KAZN: variants seen among roughly 807,000 people sequenced by gnomAD.
KAZN encodes the protein kazrin, periplakin interacting protein, also known as kazrin.
In KAZN, 40 loss-of-function variants were observed where a neutral mutation model predicts 87.4. The observed-to-expected ratio is 0.46, with a 90% CI of 0.36 to 0.60. The LOEUF is 0.60. KAZN is among the 20% of genes least tolerant of loss of function. The pLI is 0.00. For synonymous variants in KAZN, 466 were observed against 458.3 expected (o/e 1.02, Z -0.22); for missense variants, 898 against 1,073.9 (o/e 0.84, Z 2.29).
chr1:14,829,700 T>G (rs1232587097), intron 1 of KAZN, among the ~76,000 whole-genome samples: 2 of 152,132 alleles, frequency 1.3e-5, no homozygotes, highest in Non-Finnish European at 2.9e-5. Context: ...GCAGACAGAA[T>G]GATGTGTGTG....
chr1:14,649,663 A>G (rs931507176), intron 1 of KAZN, among the ~76,000 whole-genome samples: 1 of 152,178 alleles, frequency 6.6e-6, no homozygotes, highest in Non-Finnish European at 1.5e-5. Context: ...GGCGACCAAC[A>G]AAGCCTGTCA....
At chr1:14,491,154 A>C (rs1179566601) in intron 2 of KAZN, among the ~76,000 whole-genome samples, 2 of 152,132 alleles carry the variant, frequency 1.3e-5, no homozygotes, top group African/African-American at 2.4e-5. Context: ...TGGGTTTGCT[A>C]TTGCAATTAA....
At chr1:14,975,175 G>A (rs1171524921) in intron 2 of KAZN, among the ~76,000 whole-genome samples, 1 of 152,240 alleles carries the variant, frequency 6.6e-6, no homozygotes, top group Non-Finnish European at 1.5e-5. Flanking sequence ...GTGAGGGAAA[G>A]AGCAGAGAGT....
At chr1:13,906,255 T>C (rs2100852957) in intron 1 of KAZN, among the ~76,000 whole-genome samples, 1 of 152,342 alleles carries the variant, frequency 6.6e-6, no homozygotes, top group East Asian at 1.9e-4. Context: ...TTTGTATTTC[T>C]AAGGATGCCT....
intron 1 of KAZN, among the ~76,000 whole-genome samples, chr1:14,049,190 T>A (rs980028164): frequency 9.9e-5 from 15 of 152,040 alleles, no homozygotes; most frequent in Non-Finnish European, 2.9e-5. Flanking sequence ...CTGGAAACCA[T>A]CATTCTCAGC....
intron 2 of KAZN, among the ~76,000 whole-genome samples, chr1:14,541,561 A>G (rs904597506): frequency 1.5e-4 from 23 of 152,122 alleles, no homozygotes; most frequent in African/African-American, 5.6e-4. Context: ...AAATTGCTCA[A>G]CCCTTCGTGC....
In KAZN at chr1:14,488,351, G is replaced by A. The variant is rs150110114; in HGVS notation, c.250-110632G>A. Among the ~76,000 whole-genome samples the A allele has an allele frequency of 2.5e-3, 382 of 152,264 alleles. 1 individual carries two copies. Among genetic ancestry groups the A allele is most frequent in the African/African-American group, 8.5e-3 (353 of 41,550 alleles). On this transcript the variant is annotated intron_variant, in intron 2 of 16. Coordinates refer to the KAZN transcript ENST00000636203. ...AAGAGAACGGTGACCTCTCATCGTC[G>A]CTAAGGTCTGAACAATTCCACTCTG...
At position 14,518,582 on chromosome 1, in the gene KAZN, G is replaced by A. The variant is rs181736895; in HGVS notation, c.250-80401G>A. Among the ~76,000 whole-genome samples the A allele has an allele frequency of 1.4e-4, 21 of 152,258 alleles. 1 individual carries two copies. The South Asian group carries it at 1.7e-3, about 12-fold the overall frequency. On this transcript the variant is annotated intron_variant, in intron 2 of 16. Coordinates refer to the KAZN transcript ENST00000636203. Reference sequence around the variant, plus strand: ...AAGGAAGAGATGATCTGCTCTCGTCGCTTCATCTACAATATTTGGGCTGAT... The same window carrying A: ...AAGGAAGAGATGATCTGCTCTCGTCACTTCATCTACAATATTTGGGCTGAT...
At position 14,282,839 on chromosome 1, in the gene KAZN, G is replaced by C. The variant is rs531116937; in HGVS notation, c.249+102247G>C. 5.9e-5 allele frequency among the ~76,000 whole-genome samples: 9 copies of C among 152,310 alleles called. No individual in the cohort carries two copies. The South Asian group carries it at 1.9e-3, about 32-fold the overall frequency. On this transcript the variant is annotated intron_variant, in intron 2 of 16. Coordinates refer to the KAZN transcript ENST00000636203. Reference sequence around the variant, plus strand: ...GGGATGCCGAGCGCCCTTTAGGGAAGAATTCAGCCAGGAAGATAATAGATG... The same window carrying C: ...GGGATGCCGAGCGCCCTTTAGGGAACAATTCAGCCAGGAAGATAATAGATG...
At chr1:15,103,789 T>C (rs1010944686) in intron 12 of KAZN, among the ~76,000 whole-genome samples, 23 of 152,132 alleles carry the variant, frequency 1.5e-4, no homozygotes, top group African/African-American at 5.3e-4. Flanking sequence ...TTGAGATTCA[T>C]TTAACAAATA....
At chr1:14,215,460 T>G (rs1287800551) in intron 2 of KAZN, among the ~76,000 whole-genome samples, 2 of 152,206 alleles carry the variant, frequency 1.3e-5, no homozygotes, top group Non-Finnish European at 2.9e-5. Flanking sequence ...ATATTCCCAT[T>G]TATCCTAACA....
At chr1:14,230,422 T>C (rs1571081820) in intron 2 of KAZN, among the ~76,000 whole-genome samples, 1 of 152,192 alleles carries the variant, frequency 6.6e-6, no homozygotes, top group African/African-American at 2.4e-5. Context: ...CCTTATGAGG[T>C]AAGCATTATC....
Position 14,569,759 on chromosome 1 carries a change from C to T in KAZN, c.250-29224C>T, listed in dbSNP as rs1181317588. On this transcript the variant is annotated intron_variant, in intron 2 of 16. Transcript: ENST00000636203. ...AGGAGGGCATCCTTAGCTCTGGCAACTGCAGCCAGAGGGGTGGGACCAGTT... is the reference window on the plus strand; with the variant it reads ...AGGAGGGCATCCTTAGCTCTGGCAATTGCAGCCAGAGGGGTGGGACCAGTT... Among the ~76,000 whole-genome samples, 10 of 152,304 alleles carry T rather than the reference C, an allele frequency of 6.6e-5. No homozygotes were observed. The East Asian group carries it at 1.7e-3, about 26-fold the overall frequency.
At chr1:14,972,758 G>A (rs1011603374) in intron 2 of KAZN, among the ~76,000 whole-genome samples, 142 of 152,054 alleles carry the variant, frequency 9.3e-4, no homozygotes, top group African/African-American at 3.1e-3. Flanking sequence ...CAAGTGATTC[G>A]CCCACTGTGG....
chr1:14,344,601 T>C (rs1657976182), intron 2 of KAZN, among the ~76,000 whole-genome samples: 1 of 152,084 alleles, frequency 6.6e-6, no homozygotes, highest in Non-Finnish European at 1.5e-5. Flanking sequence ...TTAAAATATA[T>C]AGCATGTCAG....
At chr1:14,373,643 T>C (rs1289442385) in intron 2 of KAZN, among the ~76,000 whole-genome samples, 1 of 152,180 alleles carries the variant, frequency 6.6e-6, no homozygotes, top group African/African-American at 2.4e-5. Context: ...AGTTGACACA[T>C]AAAATTAACA....
At chr1:14,501,427 A>T (rs1256532980) in intron 2 of KAZN, among the ~76,000 whole-genome samples, 2 of 152,198 alleles carry the variant, frequency 1.3e-5, no homozygotes, top group Non-Finnish European at 2.9e-5. Flanking sequence ...GTAAGATACA[A>T]GATCAATCTT....
At chr1:14,877,430 A>T (rs180994582) in intron 1 of KAZN, among the ~76,000 whole-genome samples, 1 of 152,210 alleles carries the variant, frequency 6.6e-6, no homozygotes, top group African/African-American at 2.4e-5. Context: ...ATAGACATGC[A>T]TCATGGGCCA....
At chr1:14,547,931 A>T (rs1290494039) in intron 2 of KAZN, among the ~76,000 whole-genome samples, 1 of 151,954 alleles carries the variant, frequency 6.6e-6, no homozygotes, top group Non-Finnish European at 1.5e-5. Flanking sequence ...CAAAGTTAGG[A>T]TCTAAAACAG....
Sources: allele counts gnomAD v4.1 joint callset (sites outside exome capture counted in the v4.1 genomes callset), GRCh38; gene constraint gnomAD v4.1.1; transcripts MANE v1.5; gene names NCBI Gene and HGNC (gene_info 2026-07-23, HGNC 2026-07-21).